Variants in EIF4G3 observed in about 807,000 individuals in gnomAD.
EIF4G3 encodes the protein eIF-4-gamma 3.
Under a neutral mutation model 186.4 loss-of-function variants are expected in EIF4G3, and 34 were observed. The observed-to-expected ratio is 0.18, with a 90% CI of 0.14 to 0.24. EIF4G3 has a LOEUF of 0.24. Ranked by LOEUF, EIF4G3 falls within the 10% of genes least tolerant of loss-of-function variation. The pLI is 1.00. For missense variants in EIF4G3, 1,536 were observed against 1,948.5 expected (o/e 0.79, Z 3.99); for synonymous variants, 673 against 679.5 (o/e 0.99, Z 0.15).
At chr1:20,820,736 G>C (rs2062137472) in intron 33 of EIF4G3, among the ~76,000 whole-genome samples, 1 of 152,166 alleles carries the variant, frequency 6.6e-6, no homozygotes, top group African/African-American at 2.4e-5. Context: ...AGGACAAAGA[G>C]GGTAGAGAGA....
chr1:20,825,131 CCTT>C lies in EIF4G3; in HGVS notation c.4334_4336del (p.Glu1445del), dbSNP rs764152879. On this transcript the variant is annotated inframe_deletion, in exon 33 of 37. Coordinates refer to ENST00000602326, the MANE Select transcript of EIF4G3 (RefSeq NM_001391906.1). ...CAAAAGAAAATTATGTACATCTTCTCCTTCTGGTAAAAAGTCCTTCCAGCTGAG... is the reference window on the plus strand; with the variant it reads ...CAAAAGAAAATTATGTACATCTTCTCCTGGTAAAAAGTCCTTCCAGCTGAG... The C allele has an allele frequency of 2.4e-5, 38 of 1,613,030 alleles. 1 individual carries two copies. The East Asian group carries it at 8.2e-4, about 35-fold the overall frequency.
At chr1:21,147,993 T>A (rs1263578504) in intron 2 of EIF4G3, among the ~76,000 whole-genome samples, 1 of 152,236 alleles carries the variant, frequency 6.6e-6, no homozygotes, top group East Asian at 1.9e-4. Context: ...ACCTGTTGAC[T>A]CAGTAATTTT....
At chr1:20,944,501 C>G (rs1339257405) in intron 13 of EIF4G3, among the ~76,000 whole-genome samples, 1 of 135,888 alleles carries the variant, frequency 7.4e-6, no homozygotes, top group East Asian at 2.2e-4. Context: ...GGCAATAGAG[C>G]AAGACGCTGT....
rs1558321025 is a variant in EIF4G3, at chr1:21,176,234, C to CGCCGCCGCT, written c.-332_-331insAGCGGCGGC. On this transcript the variant is annotated 5_prime_UTR_variant, in exon 2 of 37. Transcript: ENST00000602326. ...TCGGGTGAGGAGGGGGGACCGCTGC[C>CGCCGCCGCT]GCCGCCGCCGCCGCCGCCGCCGCCG... 1.6e-5 allele frequency: 2 copies of CGCCGCCGCT among 121,336 alleles called. No homozygotes were observed. The highest frequency in any genetic ancestry group is 4.8e-5 in the African/African-American group (1 of 20,656). The allele number at this position is 121,336 out of a possible 1,614,324, so 7.5% of individuals were successfully genotyped here.
At chr1:20,842,077 TACA>T (rs1320901931) in intron 29 of EIF4G3, among the ~76,000 whole-genome samples, 1 of 152,228 alleles carries the variant, frequency 6.6e-6, no homozygotes, top group Non-Finnish European at 1.5e-5. Context: ...TCATACAATA[TACA>T]ACTACATATC....
chr1:21,161,160 G>A (rs1030340014), intron 2 of EIF4G3, among the ~76,000 whole-genome samples: 2 of 148,750 alleles, frequency 1.3e-5, no homozygotes, highest in Non-Finnish European at 3.0e-5. Context: ...AAGAGAGAGA[G>A]ACTCCATCTC....
intron 18 of EIF4G3, among the ~76,000 whole-genome samples, chr1:20,891,602 C>A (rs2034665): frequency 7.1e-6 from 1 of 141,068 alleles, no homozygotes; most frequent in Non-Finnish European, 1.5e-5. Context: ...GAAACCCCGT[C>A]TCTACTAAAA....
At chr1:20,861,068 C>T (rs2076211863) in intron 23 of EIF4G3, among the ~76,000 whole-genome samples, 1 of 152,160 alleles carries the variant, frequency 6.6e-6, no homozygotes, top group African/African-American at 2.4e-5. Flanking sequence ...GTATTAAGGA[C>T]AAAATAAGTT....
chr1:21,130,827 T>A (rs1377119947), intron 2 of EIF4G3, among the ~76,000 whole-genome samples: 1 of 152,132 alleles, frequency 6.6e-6, no homozygotes, highest in Non-Finnish European at 1.5e-5. Context: ...AATAGATGGG[T>A]AATTTCAGGA....
chr1:21,115,700 GAAT>G (rs1473502667), intron 2 of EIF4G3, among the ~76,000 whole-genome samples: 1 of 152,004 alleles, frequency 6.6e-6, no homozygotes, highest in Admixed American at 6.6e-5. Context: ...CGATTTATTA[GAAT>G]AATTTGTTGT....
chr1:21,071,529 T>C lies in EIF4G3; in HGVS notation c.-196+17609A>G, dbSNP rs539845039. 2.0e-5 allele frequency among the ~76,000 whole-genome samples: 3 copies of C among 152,268 alleles called. No homozygotes were observed. The South Asian group carries it at 6.2e-4, about 32-fold the overall frequency. ...ATCCACTACTACCATCTGCAAAAAC[T>C]GGCATTTGAAAAGCACTTACACGGC... On this transcript the variant is annotated intron_variant, in intron 3 of 36. Transcript: ENST00000602326.
intron 18 of EIF4G3, among the ~76,000 whole-genome samples, chr1:20,887,891 T>G (rs544589515): frequency 1.3e-5 from 2 of 152,314 alleles, no homozygotes; most frequent in South Asian, 4.1e-4. Context: ...TCAAGTTATA[T>G]TCTAGTGTTG....
intron 3 of EIF4G3, among the ~76,000 whole-genome samples, chr1:21,087,722 C>T (rs1340682441): frequency 6.6e-6 from 1 of 152,160 alleles, no homozygotes; most frequent in African/African-American, 2.4e-5. Context: ...CAAGCTCCGC[C>T]TCCTGGGTTC....
intron 2 of EIF4G3, among the ~76,000 whole-genome samples, chr1:21,169,508 TTA>T (rs1222274983): frequency 6.6e-6 from 1 of 152,164 alleles, no homozygotes; most frequent in Non-Finnish European, 1.5e-5. Flanking sequence ...ACTAATAAGA[TTA>T]TGAGTGATTT....
At chr1:20,844,486 T>C (rs2069956177) in intron 29 of EIF4G3, among the ~76,000 whole-genome samples, 1 of 152,162 alleles carries the variant, frequency 6.6e-6, no homozygotes, top group Non-Finnish European at 1.5e-5. Flanking sequence ...TGTCTACTTT[T>C]TAGTGTGTGT....
At chr1:21,097,872 G>C (rs2101685982) in intron 2 of EIF4G3, among the ~76,000 whole-genome samples, 1 of 152,124 alleles carries the variant, frequency 6.6e-6, no homozygotes, top group South Asian at 2.1e-4. Flanking sequence ...GAAACAATAA[G>C]AGGAAACAAC....
chr1:21,093,986 GGA>G (rs1157155479), intron 2 of EIF4G3, among the ~76,000 whole-genome samples: 2 of 152,052 alleles, frequency 1.3e-5, no homozygotes, highest in African/African-American at 4.8e-5. Context: ...GATAGCATTA[GGA>G]GACATACCTA....
intron 14 of EIF4G3, among the ~76,000 whole-genome samples, chr1:20,925,329 T>C (rs995240788): frequency 1.3e-5 from 2 of 152,242 alleles, no homozygotes; most frequent in African/African-American, 2.4e-5. Context: ...TCAGGTATAC[T>C]GATTTAAATA....
chr1:21,086,643 G>C (rs889783370), intron 3 of EIF4G3, among the ~76,000 whole-genome samples: 6 of 152,038 alleles, frequency 3.9e-5, no homozygotes, highest in African/African-American at 1.4e-4. Context: ...CTGGAGCTTA[G>C]AAATGGCCTG....
Sources: gnomAD v4.1 joint callset for allele counts (sites outside exome capture counted in the v4.1 genomes callset) on GRCh38, gnomAD v4.1.1 for gene constraint, MANE v1.5 for transcripts, NCBI Gene and HGNC (gene_info 2026-07-23, HGNC 2026-07-21) for gene names.